Variants in DDR2 observed in about 807,000 individuals in gnomAD.
DDR2 encodes discoidin domain-containing receptor 2.
DDR2 carries 27 observed loss-of-function variants against 94.9 expected under a neutral mutation model. That is an observed-to-expected ratio of 0.28 (90% confidence interval 0.21 to 0.39). The LOEUF (loss-of-function observed/expected upper bound fraction) is 0.39. Ranked by LOEUF, DDR2 falls within the 10% of genes least tolerant of loss-of-function variation. The probability of loss-of-function intolerance (pLI) is 1.00; values close to 1 mark genes in which losing one functional copy is unlikely to be tolerated. For synonymous variants in DDR2, 382 were observed against 377.2 expected (o/e 1.01, Z -0.15); for missense variants, 783 against 1,076.0 (o/e 0.73, Z 3.81).
chr1:162,753,475 T>C (rs1265780573), intron 4 of DDR2, among the ~76,000 whole-genome samples: 2 of 152,316 alleles, frequency 1.3e-5, no homozygotes, highest in African/African-American at 4.8e-5. Context: ...GAAGTGGATT[T>C]GCTTTCCCTG....
rs571425559 is a variant in DDR2, at chr1:162,670,260, G to A, written c.-28+14886G>A. Reference sequence around the variant, plus strand: ...CCAGTAGCTGGGATTACAGGCATGCGCCACCATGCCTGGCTAATTTTTGTA... The same window carrying A: ...CCAGTAGCTGGGATTACAGGCATGCACCACCATGCCTGGCTAATTTTTGTA... On this transcript the variant is annotated intron_variant, in intron 2 of 17. Coordinates refer to ENST00000367921, the MANE Select transcript of DDR2 (RefSeq NM_006182.4). Among the ~76,000 whole-genome samples the A allele has an allele frequency of 1.4e-4, 21 of 152,204 alleles. No individual in the cohort carries two copies. In the South Asian group the frequency reaches 2.1e-3, roughly 15 times the overall value.
chr1:162,652,831 A>G (rs937086377), intron 1 of DDR2, among the ~76,000 whole-genome samples: 2 of 152,198 alleles, frequency 1.3e-5, no homozygotes, highest in Admixed American at 1.3e-4. Flanking sequence ...GTGGCCAGGC[A>G]TGGTGGCTTA....
At chr1:162,764,406 A>AG (rs1158102968) in intron 9 of DDR2, among the ~76,000 whole-genome samples, 233 of 151,694 alleles carry the variant, frequency 1.5e-3, no homozygotes, top group African/African-American at 5.3e-3. Flanking sequence ...AAAAAAAAAA[A>AG]AAAAAGAAAT....
At chr1:162,694,586 T>G (rs533316986) in intron 2 of DDR2, among the ~76,000 whole-genome samples, 31 of 152,300 alleles carry the variant, frequency 2.0e-4, no homozygotes, top group Admixed American at 1.6e-3. Flanking sequence ...TGTCATTGAT[T>G]TTTCTTTTTT....
Position 162,781,806 on chromosome 1 carries a change from A to G in DDR2, c.*1560A>G, listed in dbSNP as rs1185690621. ...TGGGAAGCTGGAAAAAGGAACTCTT[A>G]ATTCCAATTGAGGAGAAACAAGAAA... On this transcript the variant is annotated 3_prime_UTR_variant, in exon 18 of 18. Transcript: ENST00000367921. The G allele has an allele frequency of 6.6e-6, 1 of 152,224 alleles. No homozygotes were observed. The highest frequency in any genetic ancestry group is 1.5e-5 in the Non-Finnish European group (1 of 68,068). 9.4% of individuals were successfully genotyped at this position (152,224 alleles called of 1,614,324 possible). A position where few individuals can be genotyped will look rare whatever the true frequency, so the allele number is the denominator to read the frequency against.
At chr1:162,637,034 T>C (rs1571125202) in intron 1 of DDR2, among the ~76,000 whole-genome samples, 1 of 152,190 alleles carries the variant, frequency 6.6e-6, no homozygotes, top group African/African-American at 2.4e-5. Context: ...AAAAATATCA[T>C]AGCATCCTGG....
chr1:162,643,105 T>C lies in DDR2; in HGVS notation c.-192+10474T>C, dbSNP rs974249097. Among the ~76,000 whole-genome samples the C allele has an allele frequency of 4.6e-5, 7 of 152,266 alleles. No homozygotes were observed. The East Asian group carries it at 1.4e-3, about 29-fold the overall frequency. ...TAAAGAGGATTGATGGTTTTCCTAT[T>C]GTCTTTCCTTCACAACTTTCTGAAG... is the stretch of plus-strand genomic sequence containing the variant. On this transcript the variant is annotated intron_variant, in intron 1 of 17. Transcript: ENST00000367921.
intron 1 of DDR2, among the ~76,000 whole-genome samples, chr1:162,646,435 A>G (rs1445348575): frequency 1.3e-5 from 2 of 152,212 alleles, no homozygotes; most frequent in Non-Finnish European, 2.9e-5. Flanking sequence ...CACTTTACAT[A>G]TGTAATCTCA....
At chr1:162,728,190 A>G (rs1318456657) in intron 3 of DDR2, among the ~76,000 whole-genome samples, 1 of 144,848 alleles carries the variant, frequency 6.9e-6, no homozygotes, top group Non-Finnish European at 1.5e-5. Context: ...CTTTATATAT[A>G]TATAGATAGA....
Position 162,721,097 on chromosome 1 carries a change from C to T in DDR2, c.82+1952C>T, listed in dbSNP as rs1358013652. 3.3e-5 allele frequency among the ~76,000 whole-genome samples: 5 copies of T among 152,106 alleles called. No individual in the cohort carries two copies. The East Asian group carries it at 9.6e-4, about 29-fold the overall frequency. On this transcript the variant is annotated intron_variant, in intron 3 of 17. Coordinates refer to ENST00000367921, the MANE Select transcript of DDR2 (RefSeq NM_006182.4). ...TCAATTGTTGATGTTTGGTTGCCTC[C>T]TACTACATTCTTCATGCTCTGAGTT...
intron 1 of DDR2, among the ~76,000 whole-genome samples, chr1:162,642,279 A>G (rs1038434690): frequency 4.7e-5 from 7 of 149,762 alleles, no homozygotes; most frequent in Admixed American, 4.0e-4. Flanking sequence ...TTATCTATCT[A>G]TCTATTTTTT....
intron 7 of DDR2, among the ~76,000 whole-genome samples, chr1:162,758,586 G>A (rs1017611731): frequency 9.2e-5 from 14 of 152,136 alleles, no homozygotes; most frequent in African/African-American, 3.4e-4. Flanking sequence ...CTGATCTGTA[G>A]AGAGAAGAAA....
chr1:162,734,717 T>A (rs10047196), intron 3 of DDR2, among the ~76,000 whole-genome samples: 3,026 of 152,212 alleles, frequency 0.02, 81 homozygotes, highest in African/African-American at 0.059. Flanking sequence ...ACTTTGTGCA[T>A]TCAGGAACTG....
chr1:162,741,656 A>G (rs2102088088), intron 3 of DDR2: 2 of 985,386 alleles, frequency 2.0e-6, no homozygotes, highest in South Asian at 9.4e-5. Context: ...GGACAGCTAG[A>G]TCTTCTCCCC....
intron 13 of DDR2, among the ~76,000 whole-genome samples, 169 bp from the exon 14 acceptor site, chr1:162,773,300 T>C (rs1275741420): frequency 9.9e-5 from 15 of 152,238 alleles, no homozygotes; most frequent in Non-Finnish European, 1.5e-5. Flanking sequence ...TTGTTTTAAA[T>C]CTTATCAATT....
rs1045534961 is a variant in DDR2, at chr1:162,786,723, A to G, written c.*6477A>G. The G allele has an allele frequency of 1.7e-4, 26 of 152,224 alleles. No homozygotes were observed. Among genetic ancestry groups the G allele is most frequent in the African/African-American group, 6.3e-4 (26 of 41,450 alleles). 9.4% of individuals were successfully genotyped at this position (152,224 alleles called of 1,614,324 possible). A position where few individuals can be genotyped will look rare whatever the true frequency, so the allele number is the denominator to read the frequency against. Reference sequence around the variant, plus strand: ...ACCTGTTTGTGGGGCTTTCCAGCAAAGGATTATTTAAATAGACCTCTAACA... The same window carrying G: ...ACCTGTTTGTGGGGCTTTCCAGCAAGGGATTATTTAAATAGACCTCTAACA... On this transcript the variant is annotated 3_prime_UTR_variant, in exon 18 of 18. Coordinates refer to ENST00000367921, the MANE Select transcript of DDR2 (RefSeq NM_006182.4).
intron 2 of DDR2, among the ~76,000 whole-genome samples, chr1:162,706,960 C>A (rs1346184703): frequency 6.6e-6 from 1 of 152,130 alleles, no homozygotes; most frequent in African/African-American, 2.4e-5. Flanking sequence ...ATTATCTTGG[C>A]AAGGATTGCA....
rs1462147033 is a variant in DDR2, at chr1:162,780,640, T to C, written c.*394T>C. ...TAAAAGAATCTTCAGAAAGAAAAAC[T>C]TGAAGAATACTAATGTCTTGGGAAA... On this transcript the variant is annotated 3_prime_UTR_variant, in exon 18 of 18. Transcript: ENST00000367921. 1.0e-5 allele frequency: 2 copies of C among 196,856 alleles called. No individual in the cohort carries two copies. Among genetic ancestry groups the C allele is most frequent in the South Asian group, 9.3e-5 (1 of 10,734 alleles). 12.2% of individuals were successfully genotyped at this position (196,856 alleles called of 1,614,324 possible). A position where few individuals can be genotyped will look rare whatever the true frequency, so the allele number is the denominator to read the frequency against.
intron 2 of DDR2, among the ~76,000 whole-genome samples, chr1:162,659,929 G>C (rs1248694769): frequency 6.6e-6 from 1 of 152,064 alleles, no homozygotes; most frequent in Non-Finnish European, 1.5e-5. Context: ...TATTTTCACT[G>C]TTTCAATTCT....
Sources: allele counts gnomAD v4.1 joint callset (sites outside exome capture counted in the v4.1 genomes callset), GRCh38; gene constraint gnomAD v4.1.1; transcripts MANE v1.5; gene names NCBI Gene and HGNC (gene_info 2026-07-23, HGNC 2026-07-21).